Variants in CYFIP2 observed in about 807,000 individuals in gnomAD.
CYFIP2 encodes the protein cytoplasmic FMR1 interacting protein 2.
Under a neutral mutation model 158.7 loss-of-function variants are expected in CYFIP2, and 29 were observed. That is an observed-to-expected ratio of 0.18 (90% CI 0.14 to 0.25). The LOEUF (loss-of-function observed/expected upper bound fraction) is 0.25, where lower values mean the gene tolerates loss of function less well. CYFIP2 is among the 10% of genes least tolerant of loss of function. The probability of loss-of-function intolerance (pLI) is 1.00; values close to 1 mark genes in which losing one functional copy is unlikely to be tolerated. For synonymous variants in CYFIP2, 585 were observed against 617.6 expected (o/e 0.95, Z 0.78); for missense variants, 852 against 1,639.5 (o/e 0.52, Z 8.29).
Position 157,389,315 on chromosome 5 carries a change from C to T in CYFIP2, c.3334C>T (p.Pro1112Ser), listed in dbSNP as rs562843766. ...YLQDPIWRGP[P>S]PTNGVMHVDE... is the part of the protein sequence containing the mutation. ...GCAGGACCCCATCTGGCGGGGCCCA[C>T]CGCCCACCAATGGCGTCATGCACGT... The change falls in exon 29 of 31, where the codon CCG (proline) becomes TCG (serine). Residue 1112 changes from proline to serine, a missense_variant. Coordinates refer to ENST00000620254, the MANE Select transcript of CYFIP2 (RefSeq NM_001037333.3). The T allele has an allele frequency of 4.3e-6, 7 of 1,613,940 alleles. No individual in the cohort carries two copies. The South Asian group carries it at 7.7e-5, about 18-fold the overall frequency.
Position 157,319,892 on chromosome 5 carries a change from G to A in CYFIP2, c.1487G>A (p.Arg496Gln), listed in dbSNP as rs781431530. The A allele has an allele frequency of 3.7e-6, 6 of 1,614,040 alleles. No homozygotes were observed. Among genetic ancestry groups the A allele is most frequent in the Non-Finnish European group, 3.4e-6 (4 of 1,179,892 alleles). The change falls in exon 14 of 31, where the codon CGG (arginine) becomes CAG (glutamine). Residue 496 changes from arginine to glutamine, a missense_variant. Transcript: ENST00000620254. ...FAQVTLREPL[R>Q]QAVRKKKNVL... ...CAGGTGACGCTGCGTGAGCCCCTGC[G>A]GCAGGCGGTACGGAAGAAGAAGAAT...
intron 3 of CYFIP2, chr5:157,288,482 C>A: frequency 2.5e-6 from 1 of 395,422 alleles, no homozygotes; most frequent in Non-Finnish European, 5.0e-6. Flanking sequence ...TATTGTGTGG[C>A]TGGTGCCCTC....
chr5:157,344,063 GC>G (rs1762499539), intron 23 of CYFIP2, among the ~76,000 whole-genome samples: 1 of 152,006 alleles, frequency 6.6e-6, no homozygotes, highest in Admixed American at 6.5e-5. Flanking sequence ...TGGTTCTGTT[GC>G]CCATGGTGAG....
chr5:157,300,981 C>T, intron 6 of CYFIP2, 85 bp downstream of exon 6: 2 of 1,227,548 alleles, frequency 1.6e-6, no homozygotes, highest in Non-Finnish European at 2.2e-6. Flanking sequence ...AGAATGGAGC[C>T]CCTCTCACCT....
intron 23 of CYFIP2, chr5:157,341,626 C>A: frequency 6.4e-6 from 1 of 157,126 alleles, no homozygotes; most frequent in Non-Finnish European, 1.4e-5. Flanking sequence ...TATTTGTTCA[C>A]AAGTAGCAGG....
intron 26 of CYFIP2, among the ~76,000 whole-genome samples, chr5:157,379,680 A>AAAC: frequency 6.7e-6 from 1 of 150,076 alleles, no homozygotes; most frequent in Non-Finnish European, 1.5e-5. Flanking sequence ...AAAAAAAAAA[A>AAAC]AAAAAAAAAA....
intron 4 of CYFIP2, among the ~76,000 whole-genome samples, chr5:157,295,079 AT>A (rs886148429): frequency 6.6e-6 from 1 of 152,182 alleles, no homozygotes; most frequent in African/African-American, 2.4e-5. Flanking sequence ...TGTTCAATAT[AT>A]TTTATTTCCA....
At chr5:157,358,878 T>C in intron 23 of CYFIP2, 127 bp from the exon 24 acceptor site, 3 of 1,225,386 alleles carry the variant, frequency 2.4e-6, no homozygotes, top group Non-Finnish European at 3.5e-6. Context: ...AACATATTCA[T>C]GGGGCTCCAG....
chr5:157,385,177 C>A (rs985130268), intron 28 of CYFIP2, among the ~76,000 whole-genome samples: 2 of 152,240 alleles, frequency 1.3e-5, no homozygotes, highest in African/African-American at 4.8e-5. Flanking sequence ...ACTCCGAAGT[C>A]TGGCATGTGT....
chr5:157,266,831 TGG>T lies in CYFIP2; in HGVS notation c.-24+637_-24+638del, dbSNP rs1271926102. 2 of 152,536 alleles carry T rather than the reference TGG, an allele frequency of 1.3e-5. No individual in the cohort carries two copies. The highest frequency in any genetic ancestry group is 2.9e-5 in the Non-Finnish European group (2 of 68,382). 9.4% of individuals were successfully genotyped at this position (152,536 alleles called of 1,614,324 possible). ...CTCACCAAGCTGGCTGCGGGCACGGTGGAAGTGGGGGAAGGGGATGAGTGGGC... is the reference window on the plus strand; with the variant it reads ...CTCACCAAGCTGGCTGCGGGCACGGTAAGTGGGGGAAGGGGATGAGTGGGC... On this transcript the variant is annotated intron_variant, in intron 1 of 30. Coordinates refer to ENST00000620254, the MANE Select transcript of CYFIP2 (RefSeq NM_001037333.3). This position sits in a 1 kb window ranked among gnomAD's most constrained non-coding sequence, Gnocchi z 4.2.
chr5:157,357,732 G>A (rs535282633), intron 23 of CYFIP2, among the ~76,000 whole-genome samples: 1 of 152,178 alleles, frequency 6.6e-6, no homozygotes, highest in African/African-American at 2.4e-5. Flanking sequence ...TTGGGAGGCT[G>A]AAGCAGGAGA....
At chr5:157,319,357 G>A (rs73304125) in intron 13 of CYFIP2, among the ~76,000 whole-genome samples, 2,981 of 152,292 alleles carry the variant, frequency 0.02, 104 homozygotes, top group African/African-American at 0.069. Flanking sequence ...AGTTCTATTT[G>A]ATGTTGTCTG....
At chr5:157,273,035 T>C (rs1756238711) in intron 1 of CYFIP2, among the ~76,000 whole-genome samples, 1 of 152,076 alleles carries the variant, frequency 6.6e-6, no homozygotes, top group Non-Finnish European at 1.5e-5. Flanking sequence ...CCTGGGTAAT[T>C]TTTTAATTTT....
chr5:157,288,216 G>C (rs1398875234), intron 3 of CYFIP2, among the ~76,000 whole-genome samples: 1 of 152,132 alleles, frequency 6.6e-6, no homozygotes, highest in Non-Finnish European at 1.5e-5. Flanking sequence ...CCATGACATG[G>C]GTGGCAGAGA....
chr5:157,344,882 C>T (rs1762565912), intron 23 of CYFIP2, among the ~76,000 whole-genome samples: 1 of 152,184 alleles, frequency 6.6e-6, no homozygotes, highest in South Asian at 2.1e-4. Context: ...GTGTTTGTGC[C>T]CATTTTCCTC....
intron 10 of CYFIP2, 51 bp downstream of exon 10, chr5:157,309,885 G>A: frequency 2.0e-6 from 3 of 1,531,104 alleles, no homozygotes; most frequent in South Asian, 1.2e-5. Context: ...GCCCAGCCCG[G>A]GCAGAGAGCC....
chr5:157,285,233 A>AT (rs760760981), intron 1 of CYFIP2, 106 bp from the exon 2 acceptor site: 39 of 745,190 alleles, frequency 5.2e-5, no homozygotes, highest in Non-Finnish European at 7.8e-5. Flanking sequence ...GCCTCAATGC[A>AT]TTTTAACTCT....
chr5:157,287,155 G>GCCCA, intron 3 of CYFIP2, 47 bp downstream of exon 3: 4 of 1,526,718 alleles, frequency 2.6e-6, no homozygotes, highest in Non-Finnish European at 3.6e-6. Context: ...CTGCTGGGCT[G>GCCCA]GCAGGGGCCG....
At chr5:157,268,052 G>T (rs182569576) in intron 1 of CYFIP2, among the ~76,000 whole-genome samples, 134 of 152,374 alleles carry the variant, frequency 8.8e-4, no homozygotes, top group African/African-American at 3.1e-3. Context: ...GTGTACACAG[G>T]GTTCCTCGTT....
Sources: gnomAD v4.1 joint callset for allele counts (sites outside exome capture counted in the v4.1 genomes callset) on GRCh38, gnomAD v4.1.1 for gene constraint, Gnocchi (gnomAD v3.1) non-coding constraint, MANE v1.5 for transcripts, NCBI Gene and HGNC (gene_info 2026-07-23, HGNC 2026-07-21) for gene names.